ZNF253: variants seen among roughly 807,000 people sequenced by gnomAD.
ZNF253 encodes the protein zinc finger protein 253.
A neutral mutation model predicts 11.9 loss-of-function variants in ZNF253; 8 were observed. The ratio of observed to expected loss-of-function variants is 0.67; its 90% CI spans 0.40 to 1.22. The LOEUF (loss-of-function observed/expected upper bound fraction) is 1.22, where lower values mean the gene tolerates loss of function less well. Among genes scored for constraint, ZNF253 ranks in the 50% most tolerant of loss-of-function variants. ZNF253 has a pLI of 0.01. For missense variants in ZNF253, 485 were observed against 586.9 expected (o/e 0.83, Z 1.79); for synonymous variants, 194 against 194.9 (o/e 1.00, Z 0.04).
At position 19,865,902 on chromosome 19, in the gene ZNF253, G is replaced by A; in HGVS notation, c.-95G>A. The A allele has an allele frequency of 6.7e-7, 1 of 1,487,374 alleles. No homozygotes were observed. Among genetic ancestry groups the A allele is most frequent in the East Asian group, 2.3e-5 (1 of 44,268 alleles). The allele number at this position is 1,487,374 out of a possible 1,614,324, so 92.1% of individuals were successfully genotyped here. On this transcript the variant is annotated 5_prime_UTR_variant, in exon 1 of 4. Transcript: ENST00000589717. ...TCCAGGTTTATCCTCAGTGTTCTGT[G>A]TCCTGTGCTTATAGAGGCCCGTCCT... is the stretch of plus-strand genomic sequence containing the variant.
At chr19:19,883,239 TA>T (rs1201335799) in intron 3 of ZNF253, among the ~76,000 whole-genome samples, 1 of 152,194 alleles carries the variant, frequency 6.6e-6, no homozygotes, top group Non-Finnish European at 1.5e-5. Flanking sequence ...TATAATTCTG[TA>T]TTTTTTTCTG....
At chr19:19,880,454 C>G (rs917563686) in intron 3 of ZNF253, among the ~76,000 whole-genome samples, 5 of 151,976 alleles carry the variant, frequency 3.3e-5, no homozygotes, top group African/African-American at 9.7e-5. Flanking sequence ...CCTGTACTCC[C>G]AGAACAGTGG....
In ZNF253 at chr19:19,882,760, C is replaced by G. The variant is rs550396784; in HGVS notation, c.226+2614C>G. 4.3e-4 allele frequency among the ~76,000 whole-genome samples: 66 copies of G among 152,050 alleles called. 1 individual carries two copies. Among genetic ancestry groups the G allele is most frequent in the Middle Eastern group, 3.4e-3 (1 of 294 alleles). ...GGCTGAGGTGGGTGGATCAAGAGGTCAGGAGTTGAGACCAGCCTGGCCAAC... is the reference window on the plus strand; with the variant it reads ...GGCTGAGGTGGGTGGATCAAGAGGTGAGGAGTTGAGACCAGCCTGGCCAAC... On this transcript the variant is annotated intron_variant, in intron 3 of 3. Transcript: ENST00000589717.
chr19:19,883,495 C>T (rs2063186341), intron 3 of ZNF253, among the ~76,000 whole-genome samples: 1 of 151,914 alleles, frequency 6.6e-6, no homozygotes, highest in African/African-American at 2.4e-5. Flanking sequence ...ACCTGTGGTC[C>T]CAGCTACTTG....
chr19:19,874,867 G>A (rs1261306899), intron 1 of ZNF253, among the ~76,000 whole-genome samples: 6 of 149,166 alleles, frequency 4.0e-5, no homozygotes, highest in South Asian at 2.1e-4. Context: ...AGCCGAGATC[G>A]CGCCACTGCA....
chr19:19,872,576 TATATTATTA>T (rs2063138316), intron 1 of ZNF253, among the ~76,000 whole-genome samples: 1 of 105,290 alleles, frequency 9.5e-6, no homozygotes, highest in African/African-American at 5.8e-5. Context: ...TATATATATA[TATATTATTA>T]TATATATATA....
intron 1 of ZNF253, among the ~76,000 whole-genome samples, chr19:19,875,617 G>A (rs940689933): frequency 6.6e-6 from 1 of 152,046 alleles, no homozygotes. Flanking sequence ...GGATGGTCTC[G>A]ATCTCCTGAC....
Position 19,892,200 on chromosome 19 carries a change from GC to G in ZNF253, c.954del (p.Lys319AsnfsTer121). ...AAACCCTACAACTGTGAAGAATGTGGCAAATCCTTTAAGCACTGCTCTAACC... is the reference window on the plus strand; with the variant it reads ...AAACCCTACAACTGTGAAGAATGTGGAAATCCTTTAAGCACTGCTCTAACC... ...RGKPYNCEEC[G>X]KSFKHCSNLT... On this transcript the variant is annotated frameshift_variant, in exon 4 of 4. Coordinates refer to ENST00000589717, the MANE Select transcript of ZNF253 (RefSeq NM_021047.3). LOFTEE classifies it low-confidence loss of function (END_TRUNC). 3 of 1,613,576 alleles carry G rather than the reference GC, an allele frequency of 1.9e-6. No individual in the cohort carries two copies. Among genetic ancestry groups the G allele is most frequent in the Non-Finnish European group, 2.5e-6 (3 of 1,179,838 alleles).
chr19:19,884,329 G>T (rs998080614), intron 3 of ZNF253, among the ~76,000 whole-genome samples: 1 of 151,592 alleles, frequency 6.6e-6, no homozygotes, highest in Admixed American at 6.6e-5. Context: ...TGTCTTCCAG[G>T]TCCTGTGTTA....
intron 3 of ZNF253, 45 bp downstream of exon 3, chr19:19,880,191 G>T (rs370899083): frequency 7.2e-5 from 103 of 1,430,084 alleles, no homozygotes; most frequent in Non-Finnish European, 9.8e-5. Flanking sequence ...ACAGATAAAA[G>T]GTCCCAATGT....
chr19:19,876,056 C>T (rs1302859217), intron 1 of ZNF253, among the ~76,000 whole-genome samples: 2 of 152,130 alleles, frequency 1.3e-5, no homozygotes, highest in East Asian at 3.8e-4. Flanking sequence ...GAATATAAAA[C>T]TTTAGGATGG....
At chr19:19,891,007 A>ATTTTTTTTTTTTTTTTTTTTTTTT (rs1568501169) in intron 3 of ZNF253, among the ~76,000 whole-genome samples, 9 of 149,812 alleles carry the variant, frequency 6.0e-5, no homozygotes, top group African/African-American at 1.5e-4. Flanking sequence ...TGTCTGGCTA[A>ATTTTTTTTTTTTTTTTTTTTTTTT]TTTTTTGTAT....
At chr19:19,873,123 C>T (rs1451243782) in intron 1 of ZNF253, among the ~76,000 whole-genome samples, 1 of 151,950 alleles carries the variant, frequency 6.6e-6, no homozygotes, top group Non-Finnish European at 1.5e-5. Context: ...TGACCTGCTA[C>T]AGTTATGTCA....
chr19:19,872,561 C>CTATATATATATATA lies in ZNF253; in HGVS notation c.4-5914_4-5901dup, dbSNP rs58650123. On this transcript the variant is annotated intron_variant, in intron 1 of 3. Transcript: ENST00000589717. ...CTATATCCCATACCCTAAACCATAA[C>CTATATATATATATA]TATATATATATATATATATTATTAT... Among the ~76,000 whole-genome samples, 54 of 121,860 alleles carry CTATATATATATATA rather than the reference C, an allele frequency of 4.4e-4. 1 individual carries two copies. Among genetic ancestry groups the CTATATATATATATA allele is most frequent in the African/African-American group, 1.4e-3 (34 of 23,776 alleles). The allele number at this position is 121,860 out of a possible 152,430, so 79.9% of individuals were successfully genotyped here.
At position 19,885,354 on chromosome 19, in the gene ZNF253, CTTCCTTTCTTTTCTTTCT is replaced by C. The variant is rs1568499315; in HGVS notation, c.226+5211_226+5228del. Among the ~76,000 whole-genome samples, 85 of 53,088 alleles carry C rather than the reference CTTCCTTTCTTTTCTTTCT, an allele frequency of 1.6e-3. 8 individuals are homozygous for C. Among genetic ancestry groups the C allele is most frequent in the African/African-American group, 4.0e-3 (15 of 3,786 alleles). The allele number at this position is 53,088 out of a possible 152,430, so 34.8% of individuals were successfully genotyped here. ...TCTTTCTTTCTTTCTTTCTTTCTTTCTTCCTTTCTTTTCTTTCTTTTCTTTCTTTTCTTTCTTTTCTTT... is the reference window on the plus strand; with the variant it reads ...TCTTTCTTTCTTTCTTTCTTTCTTTCTTTCTTTCTTTTCTTTCTTTTCTTT... On this transcript the variant is annotated intron_variant, in intron 3 of 3. Transcript: ENST00000589717.
In ZNF253 at chr19:19,891,940, A is replaced by G. The variant is rs370328881; in HGVS notation, c.693A>G (p.Glu231=). Reference sequence around the variant, plus strand: ...CCGGAGAGAAACCCTACAGATGTGAAGAATGTGGCAAAGCCTTTAAGCAGT... The same window carrying G: ...CCGGAGAGAAACCCTACAGATGTGAGGAATGTGGCAAAGCCTTTAAGCAGT... ...IHTGEKPYRC[E]ECGKAFKQSS... Residue 231 remains glutamate, a synonymous_variant, in exon 4 of 4, where the codon GAA becomes GAG. Coordinates refer to ENST00000589717, the MANE Select transcript of ZNF253 (RefSeq NM_021047.3). The G allele has an allele frequency of 5.0e-6, 8 of 1,613,820 alleles. No homozygotes were observed. Among genetic ancestry groups the G allele is most frequent in the Non-Finnish European group, 6.8e-6 (8 of 1,180,000 alleles).
chr19:19,881,723 T>G (rs2063178638), intron 3 of ZNF253, among the ~76,000 whole-genome samples: 1 of 152,140 alleles, frequency 6.6e-6, no homozygotes, highest in Non-Finnish European at 1.5e-5. Flanking sequence ...GCTAATTTAC[T>G]GACTGTATTT....
At chr19:19,871,158 C>T (rs1007302082) in intron 1 of ZNF253, 1 of 152,134 alleles carries the variant, frequency 6.6e-6, no homozygotes, top group Non-Finnish European at 1.5e-5. Context: ...GCTGGAAATT[C>T]AGCAGTATTT....
At chr19:19,881,422 A>C (rs1406817626) in intron 3 of ZNF253, among the ~76,000 whole-genome samples, 1 of 152,046 alleles carries the variant, frequency 6.6e-6, no homozygotes, top group Non-Finnish European at 1.5e-5. Context: ...ACCAAAGTGC[A>C]TGGATCACCT....
Sources: gnomAD v4.1 joint callset for allele counts (sites outside exome capture counted in the v4.1 genomes callset) on GRCh38, gnomAD v4.1.1 for gene constraint, MANE v1.5 for transcripts, NCBI Gene and HGNC (gene_info 2026-07-23, HGNC 2026-07-21) for gene names.